The following RNF24 variants were observed in gnomAD, a reference collection of about 807,000 sequenced individuals.
The protein encoded by RNF24 is ring finger protein 24.
In RNF24, 14 loss-of-function variants were observed where a neutral mutation model predicts 20.0. That is an observed-to-expected ratio of 0.70 (90% confidence interval 0.46 to 1.10). The LOEUF (loss-of-function observed/expected upper bound fraction) is 1.10. Ranked by LOEUF, RNF24 falls within the 50% of genes least tolerant of loss-of-function variation. The pLI, the probability that RNF24 is intolerant of heterozygous loss-of-function variation, is 0.00. For missense variants in RNF24, 124 were observed against 177.6 expected (o/e 0.70, Z 1.71); for synonymous variants, 45 against 61.1 (o/e 0.74, Z 1.23).
Position 3,928,944 on chromosome 20 carries a change from G to A in RNF24, c.*5119C>T, listed in dbSNP as rs1026699244. On this transcript the variant is annotated 3_prime_UTR_variant, in exon 6 of 6. Transcript: ENST00000358395. ...GCTCACTGCAACTTCTGTCTCCCGGGTTCAATCAATTCTCCTGTCCCAGCC... is the reference window on the plus strand; with the variant it reads ...GCTCACTGCAACTTCTGTCTCCCGGATTCAATCAATTCTCCTGTCCCAGCC... 6.6e-6 allele frequency: 1 copy of A among 151,636 alleles called. No homozygotes were observed. The highest frequency in any genetic ancestry group is 2.4e-5 in the African/African-American group (1 of 41,286). The allele number at this position is 151,636 out of a possible 1,614,324, so 9.4% of individuals were successfully genotyped here.
In RNF24 at chr20:3,934,886, C is replaced by T; in HGVS notation, c.308+108G>A. 1.2e-6 allele frequency: 1 copy of T among 819,548 alleles called. No homozygotes were observed. Among genetic ancestry groups the T allele is most frequent in the Non-Finnish European group, 2.1e-6 (1 of 482,730 alleles). The allele number at this position is 819,548 out of a possible 1,614,324, so 50.8% of individuals were successfully genotyped here. On this transcript the variant is annotated intron_variant, in intron 5 of 5. Coordinates refer to ENST00000358395, the MANE Select transcript of RNF24 (RefSeq NM_001134337.3). This position sits in a 1 kb window ranked among gnomAD's most constrained non-coding sequence, Gnocchi z 4.0. ...GCTGTCAGCTTTCTGCATTACAGACCAATCATGAAGCCATCAAGCTTGTCT... is the reference window on the plus strand; with the variant it reads ...GCTGTCAGCTTTCTGCATTACAGACTAATCATGAAGCCATCAAGCTTGTCT...
At chr20:3,978,473 TG>T (rs1979093004) in intron 1 of RNF24, among the ~76,000 whole-genome samples, 1 of 152,220 alleles carries the variant, frequency 6.6e-6, no homozygotes, top group Admixed American at 6.5e-5. Context: ...CATTATACAT[TG>T]TACACATATA....
chr20:3,998,331 T>C (rs999358157), intron 1 of RNF24, among the ~76,000 whole-genome samples: 1 of 151,922 alleles, frequency 6.6e-6, no homozygotes, highest in Non-Finnish European at 1.5e-5. Flanking sequence ...TCCCAGCACT[T>C]TGGGAGGCCA....
At position 3,931,343 on chromosome 20, in the gene RNF24, G is replaced by T. The variant is rs996863015; in HGVS notation, c.*2720C>A. 1 of 152,164 alleles carries T rather than the reference G, an allele frequency of 6.6e-6. No homozygotes were observed. The highest frequency in any genetic ancestry group is 2.4e-5 in the African/African-American group (1 of 41,416). The allele number at this position is 152,164 out of a possible 1,614,324, so 9.4% of individuals were successfully genotyped here. On this transcript the variant is annotated 3_prime_UTR_variant, in exon 6 of 6. Transcript: ENST00000358395. ...GCGGAAAGGGTGACTTTACCATGGG[G>T]TTCGAGTCTGAGCCAAGAGAGTTAT...
At chr20:3,966,133 C>CAAAAAAAAAAAAAA (rs574975352) in intron 1 of RNF24, among the ~76,000 whole-genome samples, 2 of 81,466 alleles carry the variant, frequency 2.5e-5, no homozygotes, top group Non-Finnish European at 4.5e-5. Flanking sequence ...GATTCCATCT[C>CAAAAAAAAAAAAAA]AAAAAAAAAA....
chr20:3,979,486 C>T (rs1979202370), intron 1 of RNF24, among the ~76,000 whole-genome samples: 1 of 152,044 alleles, frequency 6.6e-6, no homozygotes, highest in Non-Finnish European at 1.5e-5. Context: ...ACCAGCACGG[C>T]CAACATGGTG....
intron 1 of RNF24, among the ~76,000 whole-genome samples, chr20:4,013,273 G>A (rs192529047): frequency 1.4e-3 from 215 of 152,040 alleles, no homozygotes; most frequent in Non-Finnish European, 2.8e-3. Context: ...TTTAAACAGA[G>A]GGAATATACA....
intron 1 of RNF24, among the ~76,000 whole-genome samples, chr20:4,002,191 T>C (rs1030232129): frequency 1.8e-4 from 28 of 151,866 alleles, no homozygotes; most frequent in African/African-American, 6.5e-4. Flanking sequence ...CGAGACCATC[T>C]TGGCTAACAC....
At chr20:4,012,468 G>A (rs1318726084) in intron 1 of RNF24, among the ~76,000 whole-genome samples, 1 of 151,188 alleles carries the variant, frequency 6.6e-6, no homozygotes, top group Admixed American at 6.6e-5. Context: ...ATTATTGATA[G>A]AGAATGCTCA....
chr20:4,008,439 GTATAATATATATAATA>G (rs1302667026), intron 1 of RNF24, among the ~76,000 whole-genome samples: 71 of 13,712 alleles, frequency 5.2e-3, no homozygotes, highest in Middle Eastern at 0.025. Flanking sequence ...TATATAATAT[GTATAATATATATAATA>G]TATAATATAT....
chr20:3,971,147 C>T (rs1199411603), intron 1 of RNF24, among the ~76,000 whole-genome samples: 1 of 151,996 alleles, frequency 6.6e-6, no homozygotes, highest in Non-Finnish European at 1.5e-5. Context: ...AAGGAGATAC[C>T]ATTGGGGGAA....
chr20:3,942,080 GA>G (rs1358102867), intron 4 of RNF24, among the ~76,000 whole-genome samples: 37 of 89,364 alleles, frequency 4.1e-4, no homozygotes, highest in East Asian at 9.7e-4. Context: ...TCTCAAAAAA[GA>G]AAAAAAAAAA....
intron 4 of RNF24, among the ~76,000 whole-genome samples, chr20:3,937,026 A>G (rs1291980122): frequency 6.6e-6 from 1 of 152,060 alleles, no homozygotes; most frequent in Non-Finnish European, 1.5e-5. Context: ...TTTAGTAGAG[A>G]CAGGGTTTCA....
intron 1 of RNF24, among the ~76,000 whole-genome samples, chr20:3,977,799 G>C (rs1406689872): frequency 1.3e-5 from 2 of 150,348 alleles, no homozygotes; most frequent in Middle Eastern, 3.5e-3. Context: ...CAGAGGCAGA[G>C]CTTGCAGCGA....
chr20:3,951,831 T>C (rs2091085185), intron 2 of RNF24, among the ~76,000 whole-genome samples: 1 of 152,208 alleles, frequency 6.6e-6, no homozygotes, highest in East Asian at 1.9e-4. Flanking sequence ...CTTGTGTTCT[T>C]TCAACAAGCC....
intron 1 of RNF24, among the ~76,000 whole-genome samples, chr20:3,990,466 C>A (rs1043506727): frequency 2.0e-5 from 3 of 152,182 alleles, no homozygotes; most frequent in Non-Finnish European, 4.4e-5. Flanking sequence ...GCTCTTCACA[C>A]AAACTTGTTT....
intron 1 of RNF24, among the ~76,000 whole-genome samples, chr20:3,998,523 C>A (rs748844975): frequency 7.4e-6 from 1 of 134,348 alleles, no homozygotes; most frequent in Non-Finnish European, 1.5e-5. Flanking sequence ...TGCAGTGAGC[C>A]GAGATTGCAA....
chr20:3,974,253 C>T (rs144738812), intron 1 of RNF24: 698 of 1,441,880 alleles, frequency 4.8e-4, no homozygotes, highest in African/African-American at 4.4e-3. Context: ...AAAAACAAAC[C>T]GGCAAAAACC....
chr20:3,985,843 A>G (rs1979848720), intron 1 of RNF24, among the ~76,000 whole-genome samples: 1 of 151,726 alleles, frequency 6.6e-6, no homozygotes, highest in Non-Finnish European at 1.5e-5. Flanking sequence ...GTTCAAGCGA[A>G]TTCTCCTACC....
Sources: gnomAD v4.1 joint callset for allele counts (sites outside exome capture counted in the v4.1 genomes callset) on GRCh38, gnomAD v4.1.1 for gene constraint, Gnocchi (gnomAD v3.1) non-coding constraint, MANE v1.5 for transcripts, NCBI Gene and HGNC (gene_info 2026-07-23, HGNC 2026-07-21) for gene names.